CDH4: variants seen among roughly 807,000 people sequenced by gnomAD.
The protein encoded by CDH4 is cadherin-4.
Under a neutral mutation model 86.0 loss-of-function variants are expected in CDH4, and 33 were observed. The ratio of observed to expected loss-of-function variants is 0.38; its 90% confidence interval spans 0.29 to 0.51. The LOEUF (loss-of-function observed/expected upper bound fraction) is 0.51. Ranked by LOEUF, CDH4 falls within the 20% of genes least tolerant of loss-of-function variation. The probability of loss-of-function intolerance (pLI) is 0.86; values close to 1 mark genes in which losing one functional copy is unlikely to be tolerated. For synonymous variants in CDH4, 555 were observed against 549.4 expected (o/e 1.01, Z -0.14); for missense variants, 1,114 against 1,307.4 (o/e 0.85, Z 2.28).
chr20:61,565,339 A>ATGGGGAGGTGGTGGTG (rs1568689118), intron 2 of CDH4, among the ~76,000 whole-genome samples: 1 of 8,950 alleles, frequency 1.1e-4, no homozygotes, highest in Non-Finnish European at 1.9e-4. Context: ...TGATGGTGGT[A>ATGGGGAGGTGGTGGTG]GTGGTCCTCT....
chr20:61,775,829 G>A (rs1162747063), intron 4 of CDH4, among the ~76,000 whole-genome samples: 1 of 152,218 alleles, frequency 6.6e-6, no homozygotes, highest in African/African-American at 2.4e-5. Flanking sequence ...GGCTCTTGGA[G>A]TTTCTCAGCC....
chr20:61,892,888 G>A (rs1356917806), intron 7 of CDH4, among the ~76,000 whole-genome samples: 1 of 151,954 alleles, frequency 6.6e-6, no homozygotes, highest in Non-Finnish European at 1.5e-5. Flanking sequence ...GAAAGACAGA[G>A]GGATGGAAAG....
At chr20:61,865,667 G>A (rs986240078) in intron 6 of CDH4, among the ~76,000 whole-genome samples, 1 of 152,092 alleles carries the variant, frequency 6.6e-6, no homozygotes, top group Non-Finnish European at 1.5e-5. Context: ...TGGCTGGTTA[G>A]TGTAGATGAT....
At position 61,303,133 on chromosome 20, in the gene CDH4, A is replaced by G. The variant is rs1020156396; in HGVS notation, c.169+48196A>G. Among the ~76,000 whole-genome samples the G allele has an allele frequency of 2.6e-5, 4 of 152,226 alleles. 1 individual carries two copies. The highest frequency in any genetic ancestry group is 4.8e-5 in the African/African-American group (2 of 41,458). On this transcript the variant is annotated intron_variant, in intron 2 of 15. Coordinates refer to ENST00000614565, the MANE Select transcript of CDH4 (RefSeq NM_001794.5). ...TTTGTGGTGACGTTACGGCCACAGT[A>G]GGAAGCAGATACACCCTGAGACCCA...
In CDH4 at chr20:61,700,812, G is replaced by A. The variant is rs909427911; in HGVS notation, c.170-42751G>A. On this transcript the variant is annotated intron_variant, in intron 2 of 15. Transcript: ENST00000614565. ...GGCCTGGGGCAGAGCCGGGGTTGCC[G>A]GCTCAGCGGGTGAGTGCCACATGAG... 4.6e-5 allele frequency among the ~76,000 whole-genome samples: 7 copies of A among 152,252 alleles called. No homozygotes were observed. The East Asian group carries it at 5.8e-4, about 13-fold the overall frequency.
intron 2 of CDH4, among the ~76,000 whole-genome samples, chr20:61,376,054 G>C (rs796690084): frequency 3.9e-4 from 38 of 97,994 alleles, no homozygotes; most frequent in Non-Finnish European, 5.2e-4. Context: ...GGTCTTGGTG[G>C]TGATGGTGTG....
chr20:61,920,979 G>A (rs895261330), intron 9 of CDH4, among the ~76,000 whole-genome samples: 30 of 148,032 alleles, frequency 2.0e-4, no homozygotes, highest in African/African-American at 5.6e-4. Flanking sequence ...TGGTGATTGC[G>A]TGGAAGTGTG....
chr20:61,335,647 G>A (rs2084612991), intron 2 of CDH4, among the ~76,000 whole-genome samples: 1 of 152,190 alleles, frequency 6.6e-6, no homozygotes, highest in African/African-American at 2.4e-5. Flanking sequence ...CGTGCAAATT[G>A]TCAGAAAACT....
At chr20:61,653,431 C>T (rs899765085) in intron 2 of CDH4, among the ~76,000 whole-genome samples, 9 of 137,106 alleles carry the variant, frequency 6.6e-5, no homozygotes, top group African/African-American at 2.0e-4. Flanking sequence ...CATCATGGCC[C>T]GTTCTCAATG....
At chr20:61,657,913 G>A (rs991475026) in intron 2 of CDH4, among the ~76,000 whole-genome samples, 2 of 152,206 alleles carry the variant, frequency 1.3e-5, no homozygotes, top group Admixed American at 6.5e-5. Flanking sequence ...CACATGTGGA[G>A]TGAATTAGAG....
chr20:61,893,582 TGG>T (rs1351767550), intron 7 of CDH4, among the ~76,000 whole-genome samples: 1 of 132,232 alleles, frequency 7.6e-6, no homozygotes, highest in Non-Finnish European at 1.6e-5. Context: ...GGTGGGTAGG[TGG>T]GTGGATCGAT....
intron 6 of CDH4, among the ~76,000 whole-genome samples, chr20:61,865,011 C>A: frequency 6.6e-6 from 1 of 152,172 alleles, no homozygotes; most frequent in East Asian, 1.9e-4. Context: ...TAAATCCACC[C>A]CTGAGTGGAT....
chr20:61,757,960 C>A (rs758687866), intron 3 of CDH4, among the ~76,000 whole-genome samples: 1 of 152,170 alleles, frequency 6.6e-6, no homozygotes, highest in Non-Finnish European at 1.5e-5. Context: ...TGGGCATTCA[C>A]GTGTCCCGGC....
intron 2 of CDH4, among the ~76,000 whole-genome samples, chr20:61,553,773 C>T (rs1179599424): frequency 6.6e-6 from 1 of 152,224 alleles, no homozygotes; most frequent in East Asian, 1.9e-4. Flanking sequence ...TTCTATCTCC[C>T]TATCCCCTGT....
At chr20:61,611,773 C>T (rs1354093993) in intron 2 of CDH4, among the ~76,000 whole-genome samples, 4 of 152,130 alleles carry the variant, frequency 2.6e-5, no homozygotes, top group Non-Finnish European at 5.9e-5. Context: ...GAAGCAAGCT[C>T]AGTGGGGTGG....
At chr20:61,511,405 T>C (rs1024597891) in intron 2 of CDH4, among the ~76,000 whole-genome samples, 1 of 152,164 alleles carries the variant, frequency 6.6e-6, no homozygotes, top group Non-Finnish European at 1.5e-5. Context: ...ACACAAACTC[T>C]TGTGTGTTTC....
intron 2 of CDH4, among the ~76,000 whole-genome samples, chr20:61,670,220 G>A (rs917406261): frequency 1.3e-5 from 2 of 152,282 alleles, no homozygotes; most frequent in East Asian, 1.9e-4. Flanking sequence ...ACAAGCTCTC[G>A]CTGCTTCCCT....
At chr20:61,797,815 G>C (rs1979613151) in intron 4 of CDH4, among the ~76,000 whole-genome samples, 1 of 152,128 alleles carries the variant, frequency 6.6e-6, no homozygotes, top group African/African-American at 2.4e-5. Flanking sequence ...CAAATGTCCG[G>C]CCAGGCCTCC....
chr20:61,472,491 T>A (rs1281527589), intron 2 of CDH4, among the ~76,000 whole-genome samples: 1 of 152,228 alleles, frequency 6.6e-6, no homozygotes, highest in Admixed American at 6.5e-5. Context: ...GGTGATTTCC[T>A]CTGATGATAT....
Sources: gnomAD v4.1 joint callset for allele counts (sites outside exome capture counted in the v4.1 genomes callset) on GRCh38, gnomAD v4.1.1 for gene constraint, MANE v1.5 for transcripts, NCBI Gene and HGNC (gene_info 2026-07-23, HGNC 2026-07-21) for gene names.